The following IQCB1 variants were observed in gnomAD, a reference collection of about 807,000 sequenced individuals.
IQCB1 encodes the protein IQ motif containing B1, also known as IQ calmodulin-binding motif-containing protein 1.
In IQCB1, 56 loss-of-function variants were observed where a neutral mutation model predicts 84.4. The ratio of observed to expected loss-of-function variants is 0.66; its 90% CI spans 0.54 to 0.83. The LOEUF is 0.83. Ranked by LOEUF, IQCB1 falls within the 40% of genes least tolerant of loss-of-function variation. The pLI, the probability that IQCB1 is intolerant of heterozygous loss-of-function variation, is 0.00. For synonymous variants in IQCB1, 210 were observed against 234.8 expected (o/e 0.89, Z 0.96); for missense variants, 629 against 682.1 (o/e 0.92, Z 0.87).
At chr3:121,808,800 A>C in intron 6 of IQCB1, 116 bp downstream of exon 6, 1 of 649,752 alleles carries the variant, frequency 1.5e-6, no homozygotes. Flanking sequence ...ACATGGTTTC[A>C]TTTCAGTGTG....
chr3:121,799,403 C>G, intron 7 of IQCB1, 29 bp from the exon 8 acceptor site: 1 of 1,328,908 alleles, frequency 7.5e-7, no homozygotes, highest in Non-Finnish European at 1.1e-6. Flanking sequence ...AAAAAAAGTA[C>G]CATTACTAAT....
At chr3:121,827,352 T>C (rs1036278245) in intron 4 of IQCB1, among the ~76,000 whole-genome samples, 31 of 152,260 alleles carry the variant, frequency 2.0e-4, no homozygotes, top group Admixed American at 1.8e-3. Context: ...GTTCCTAAAG[T>C]TAATGGGCTA....
rs1430972491 is a variant in IQCB1 at position 121,770,266 on chromosome 3, T to C, written c.*79A>G. The C allele has an allele frequency of 3.2e-6, 3 of 939,432 alleles. No individual in the cohort carries two copies. Among genetic ancestry groups the C allele is most frequent in the Admixed American group, 1.9e-5 (1 of 53,910 alleles). 58.2% of individuals were successfully genotyped at this position (939,432 alleles called of 1,614,324 possible). On this transcript the variant is annotated 3_prime_UTR_variant, in exon 15 of 15. Transcript: ENST00000310864. ...GGAAAATAATAAGTTAGGATGGCCC[T>C]AGTCTACCAGCATGCCAGAGGCAGA... is the stretch of plus-strand genomic sequence containing the variant.
chr3:121,778,999 ACAT>A (rs1283279477), intron 13 of IQCB1, among the ~76,000 whole-genome samples: 9 of 152,192 alleles, frequency 5.9e-5, no homozygotes, highest in South Asian at 2.1e-4. Flanking sequence ...TTACACACCA[ACAT>A]GGCACATGTA....
intron 12 of IQCB1, 127 bp downstream of exon 12, chr3:121,788,157 A>G: frequency 3.2e-6 from 3 of 949,700 alleles, no homozygotes; most frequent in Non-Finnish European, 5.0e-6. Flanking sequence ...TTTACAAAAG[A>G]AAAAACTAAG....
chr3:121,834,945 C>A, intron 1 of IQCB1, 21 bp downstream of exon 1: 1 of 372,076 alleles, frequency 2.7e-6, no homozygotes, highest in Non-Finnish European at 5.0e-6. Flanking sequence ...CCCTCCCCAG[C>A]CACCACCTCA....
intron 9 of IQCB1, among the ~76,000 whole-genome samples, chr3:121,795,925 G>A (rs1949175713): frequency 6.6e-6 from 1 of 152,068 alleles, no homozygotes; most frequent in South Asian, 2.1e-4. Context: ...AAGCTCTGTT[G>A]ACCATTGTGG....
intron 7 of IQCB1, among the ~76,000 whole-genome samples, chr3:121,801,283 C>T (rs1441177558): frequency 1.3e-5 from 2 of 152,066 alleles, no homozygotes; most frequent in African/African-American, 4.8e-5. Context: ...ACCTGATGGA[C>T]ATTTGAGTTT....
chr3:121,813,973 C>T (rs996850582), intron 5 of IQCB1, among the ~76,000 whole-genome samples: 4 of 152,174 alleles, frequency 2.6e-5, no homozygotes, highest in Admixed American at 2.6e-4. Flanking sequence ...AATATACATT[C>T]TTCTTAGCAC....
rs1236835422 is a variant in IQCB1, at chr3:121,834,393, T to C, written c.-15A>G. On this transcript the variant is annotated splice_region_variant and 5_prime_UTR_variant, in exon 2 of 15. Transcript: ENST00000310864. ...TTTATCTATTTTAAGGCTACTACCC[T>C]GTTGCCAGGCCACCGGGTCCGGCCC... 1 of 152,202 alleles carries C rather than the reference T, an allele frequency of 6.6e-6. No individual in the cohort carries two copies. Among genetic ancestry groups the C allele is most frequent in the East Asian group, 1.9e-4 (1 of 5,194 alleles). 9.4% of individuals were successfully genotyped at this position (152,202 alleles called of 1,614,324 possible). A position where few individuals can be genotyped will look rare whatever the true frequency, so the allele number is the denominator to read the frequency against.
In IQCB1 at chr3:121,795,437, C is replaced by T. The variant is rs369290733; in HGVS notation, c.986+20G>A. ...TAGTAAGATTCTATGATCATCAATC[C>T]CCTCACCAAATTTTTTTACCTGAAA... On this transcript the variant is annotated intron_variant, in intron 10 of 14. Transcript: ENST00000310864. 53 of 1,246,952 alleles carry T rather than the reference C, an allele frequency of 4.3e-5. No homozygotes were observed. The highest frequency in any genetic ancestry group is 6.3e-5 in the Non-Finnish European group (53 of 847,088). The allele number at this position is 1,246,952 out of a possible 1,614,324, so 77.2% of individuals were successfully genotyped here.
rs5007058 is a variant in IQCB1 at position 121,825,062 on chromosome 3, T to C, written c.393+989A>G. ...AAAACAAAGGTTTCTTTTTCTTTTC[T>C]TTTTTTTTTTTTTTTCAGATGGAGT... is the stretch of plus-strand genomic sequence containing the variant. On this transcript the variant is annotated intron_variant, in intron 5 of 14. Transcript: ENST00000310864. 4.4e-3 allele frequency among the ~76,000 whole-genome samples: 270 copies of C among 61,716 alleles called. 1 individual carries two copies. The highest frequency in any genetic ancestry group is 6.9e-3 in the African/African-American group (94 of 13,686). The allele number at this position is 61,716 out of a possible 152,430, so 40.5% of individuals were successfully genotyped here. A position where few individuals can be genotyped will look rare whatever the true frequency, so the allele number is the denominator to read the frequency against.
intron 10 of IQCB1, among the ~76,000 whole-genome samples, chr3:121,791,963 C>T (rs1948993964): frequency 6.6e-6 from 1 of 152,056 alleles, no homozygotes; most frequent in African/African-American, 2.4e-5. Flanking sequence ...TGATGGTGTG[C>T]ACTTGTAGTC....
chr3:121,784,465 T>C (rs865897703), intron 12 of IQCB1, among the ~76,000 whole-genome samples: 7 of 152,344 alleles, frequency 4.6e-5, no homozygotes, highest in Middle Eastern at 3.4e-3. Context: ...ATCTTGGTTT[T>C]GTTTCATATA....
intron 12 of IQCB1, among the ~76,000 whole-genome samples, chr3:121,785,430 T>G (rs1948668311): frequency 6.6e-6 from 1 of 152,114 alleles, no homozygotes; most frequent in African/African-American, 2.4e-5. Flanking sequence ...AATTTTTGTA[T>G]TTTTAGTAGA....
At chr3:121,801,940 C>A (rs1005058442) in intron 7 of IQCB1, among the ~76,000 whole-genome samples, 3 of 149,818 alleles carry the variant, frequency 2.0e-5, no homozygotes, top group Non-Finnish European at 4.4e-5. Context: ...GTTACAATGA[C>A]TGACTTCAGA....
rs767036070 is a variant in IQCB1, at chr3:121,797,077, C to T, written c.876+41G>A. On this transcript the variant is annotated intron_variant, in intron 9 of 14. Transcript: ENST00000310864. ...AAGGAAAACTAAGGTTTAATATAGT[C>T]AGCAAATATCATGCAATTTTTTTTT... 6.9e-6 allele frequency: 7 copies of T among 1,010,576 alleles called. No homozygotes were observed. The Admixed American group carries it at 1.2e-4, about 17-fold the overall frequency. The allele number at this position is 1,010,576 out of a possible 1,614,324, so 62.6% of individuals were successfully genotyped here. A position where few individuals can be genotyped will look rare whatever the true frequency, so the allele number is the denominator to read the frequency against.
intron 7 of IQCB1, among the ~76,000 whole-genome samples, chr3:121,805,580 A>G (rs2108586847): frequency 6.6e-6 from 1 of 152,290 alleles, no homozygotes; most frequent in Non-Finnish European, 1.5e-5. Flanking sequence ...ATGATCTGGA[A>G]TAGTGCTCAT....
In IQCB1 at chr3:121,828,376, A is replaced by G. The variant is rs186692878; in HGVS notation, c.263+94T>C. 7.3e-6 allele frequency: 8 copies of G among 1,091,224 alleles called. No individual in the cohort carries two copies. In the East Asian group the frequency reaches 1.4e-4, roughly 20 times the overall value. The allele number at this position is 1,091,224 out of a possible 1,614,324, so 67.6% of individuals were successfully genotyped here. A position where few individuals can be genotyped will look rare whatever the true frequency, so the allele number is the denominator to read the frequency against. On this transcript the variant is annotated intron_variant, in intron 4 of 14. Transcript: ENST00000310864. ...CAAAACCTACAACAGGAGGTTGCCAATGCTTGTTAGGCAGATAAATAAAAA... is the reference window on the plus strand; with the variant it reads ...CAAAACCTACAACAGGAGGTTGCCAGTGCTTGTTAGGCAGATAAATAAAAA...
Sources: allele counts gnomAD v4.1 joint callset (sites outside exome capture counted in the v4.1 genomes callset), GRCh38; gene constraint gnomAD v4.1.1; transcripts MANE v1.5; gene names NCBI Gene and HGNC (gene_info 2026-07-23, HGNC 2026-07-21).